COL22A1: variants seen among roughly 807,000 people sequenced by gnomAD.
The protein encoded by COL22A1 is collagen type XXII alpha 1 chain.
A neutral mutation model predicts 248.9 loss-of-function variants in COL22A1; 221 were observed. The observed-to-expected ratio is 0.89, with a 90% CI of 0.80 to 0.99. The LOEUF (loss-of-function observed/expected upper bound fraction) is 0.99. Ranked by LOEUF, COL22A1 falls within the 50% of genes least tolerant of loss-of-function variation. COL22A1 has a pLI of 0.00. For missense variants in COL22A1, 2,240 were observed against 2,179.0 expected, an observed-to-expected ratio of 1.03 and a Z score of -0.56; for synonymous variants, 891 against 793.4, an observed-to-expected ratio of 1.12 and a Z score of -2.07.
chr8:138,688,523 GAA>G (rs572166800), intron 37 of COL22A1, among the ~76,000 whole-genome samples: 2 of 143,600 alleles, frequency 1.4e-5, no homozygotes, highest in African/African-American at 5.1e-5. Flanking sequence ...CCTGTCTCAA[GAA>G]AAAAAAAAAA....
At chr8:138,842,997 G>T (rs1033356492) in intron 4 of COL22A1, among the ~76,000 whole-genome samples, 2 of 152,204 alleles carry the variant, frequency 1.3e-5, no homozygotes, top group African/African-American at 4.8e-5. Flanking sequence ...GTGGATGACT[G>T]CCCCTAGGAA....
chr8:138,676,433 G>C, intron 41 of COL22A1, 125 bp downstream of exon 41: 1 of 506,872 alleles, frequency 2.0e-6, no homozygotes. Context: ...AAGAAAGAAA[G>C]AAAGAAAGAA....
At chr8:138,824,690 C>T (rs756793551) in intron 6 of COL22A1, among the ~76,000 whole-genome samples, 1 of 152,194 alleles carries the variant, frequency 6.6e-6, no homozygotes, top group Non-Finnish European at 1.5e-5. Flanking sequence ...TCTGCCATGA[C>T]TGACAGAGTG....
At chr8:138,699,213 A>C (rs1213003876) in intron 32 of COL22A1, among the ~76,000 whole-genome samples, 1 of 152,060 alleles carries the variant, frequency 6.6e-6, no homozygotes, top group South Asian at 2.1e-4. Context: ...CCATCTCCCC[A>C]TTATGCTTCC....
intron 53 of COL22A1, among the ~76,000 whole-genome samples, chr8:138,617,434 C>T (rs916239504): frequency 3.3e-5 from 5 of 152,152 alleles, no homozygotes; most frequent in African/African-American, 1.2e-4. Flanking sequence ...GTAGGTTCAG[C>T]TCTGGGAGCT....
intron 1 of COL22A1, among the ~76,000 whole-genome samples, chr8:138,889,849 C>T (rs924480372): frequency 2.6e-5 from 4 of 152,144 alleles, no homozygotes; most frequent in African/African-American, 7.2e-5. Context: ...TCCCTCATTG[C>T]AGAAACCCGG....
intron 8 of COL22A1, 139 bp downstream of exon 8, chr8:138,812,800 A>G (rs1818352275): frequency 2.9e-6 from 2 of 699,576 alleles, no homozygotes; most frequent in Non-Finnish European, 5.1e-6. Context: ...CCCATACCCT[A>G]AGCTCCCTCT....
In COL22A1 at chr8:138,762,423, G is replaced by T; in HGVS notation, c.1847C>A (p.Thr616Lys). 6.2e-7 allele frequency: 1 copy of T among 1,614,112 alleles called. No individual in the cohort carries two copies. Residue 616 changes from threonine to lysine, a missense_variant, in exon 17 of 65, where the codon ACA becomes AAA. By Grantham distance (78) the Thr-to-Lys change is moderately conservative. Coordinates refer to ENST00000303045, the MANE Select transcript of COL22A1 (RefSeq NM_152888.3). ...CCAGCACCCACCTACCTGCTGTCCT[G>T]TGTCCCCAGGCTTCCCAGGGAATCC... ...LDGFPGKPGD[T>K]GQQGRPGPSG...
At chr8:138,792,321 T>C (rs1816131876) in intron 12 of COL22A1, among the ~76,000 whole-genome samples, 1 of 152,236 alleles carries the variant, frequency 6.6e-6, no homozygotes, top group Non-Finnish European at 1.5e-5. Flanking sequence ...TAATAGCTAC[T>C]GTTCATAAAG....
chr8:138,660,436 C>G lies in COL22A1; in HGVS notation c.3285G>C (p.Pro1095=). 2 of 1,612,770 alleles carry G rather than the reference C, an allele frequency of 1.2e-6. No homozygotes were observed. Among genetic ancestry groups the G allele is most frequent in the Non-Finnish European group, 1.7e-6 (2 of 1,178,774 alleles). Residue 1095 remains proline (P), a splice_region_variant and synonymous_variant, in exon 44 of 65, where the codon CCG becomes CCC. Transcript: ENST00000303045. ...NPGERGPPGK[P]GLSSLLSPGD... ...CATCCAGAACCATAAGATGACATAC[C>G]GGCTTGCCAGGAGGCCCTCTTTCTC...
At chr8:138,816,184 G>C (rs1818673896) in intron 7 of COL22A1, among the ~76,000 whole-genome samples, 1 of 152,202 alleles carries the variant, frequency 6.6e-6, no homozygotes, top group African/African-American at 2.4e-5. Flanking sequence ...AAGGAGACAG[G>C]AGGCAGGCCA....
chr8:138,746,133 T>C (rs1673347635), intron 22 of COL22A1, among the ~76,000 whole-genome samples: 1 of 152,248 alleles, frequency 6.6e-6, no homozygotes, highest in African/African-American at 2.4e-5. Context: ...TGAATGCATT[T>C]ACTTTGCCGA....
Position 138,598,901 on chromosome 8 carries a change from A to C in COL22A1, c.4186-3T>G. On this transcript the variant is annotated splice_polypyrimidine_tract_variant and splice_region_variant and intron_variant, in intron 60 of 64. Transcript: ENST00000303045. The stretch of plus-strand genomic sequence containing the variant: ...TCACCTTTGATCCCAGGATCTCCCT[A>C]AGGAGGAAATAAGCATGTCAGCATG... 5 of 1,613,994 alleles carry C rather than the reference A, an allele frequency of 3.1e-6. No individual in the cohort carries two copies. Among genetic ancestry groups the C allele is most frequent in the Non-Finnish European group, 4.2e-6 (5 of 1,179,960 alleles).
At chr8:138,637,695 G>T (rs1821312932) in intron 47 of COL22A1, among the ~76,000 whole-genome samples, 2 of 152,146 alleles carry the variant, frequency 1.3e-5, no homozygotes, top group Admixed American at 6.5e-5. Flanking sequence ...TAGTATCTTT[G>T]TCATGGGGTT....
chr8:138,661,154 A>C (rs563281408), intron 43 of COL22A1, among the ~76,000 whole-genome samples: 1 of 152,256 alleles, frequency 6.6e-6, no homozygotes, highest in African/African-American at 2.4e-5. Context: ...TTCCCAAACA[A>C]GTGGAAGGAA....
chr8:138,823,659 GC>G (rs1191888865), intron 6 of COL22A1, among the ~76,000 whole-genome samples: 1 of 152,236 alleles, frequency 6.6e-6, no homozygotes, highest in Non-Finnish European at 1.5e-5. Flanking sequence ...GCCTGCCTTG[GC>G]CTCTCACAGT....
intron 30 of COL22A1, among the ~76,000 whole-genome samples, chr8:138,715,085 G>A (rs1036484698): frequency 6.6e-6 from 1 of 152,178 alleles, no homozygotes. Context: ...GCATGTCACA[G>A]GCACAAAAGG....
At chr8:138,589,548 C>T in intron 64 of COL22A1, 108 bp from the exon 65 acceptor site, 3 of 875,810 alleles carry the variant, frequency 3.4e-6, no homozygotes, top group Non-Finnish European at 4.9e-6. Flanking sequence ...CCTGAAACGT[C>T]CTCAGACAGA....
chr8:138,787,494 C>A (rs556445851), intron 12 of COL22A1, among the ~76,000 whole-genome samples: 2 of 152,096 alleles, frequency 1.3e-5, no homozygotes, highest in Non-Finnish European at 2.9e-5. Flanking sequence ...TGGTAAGAGG[C>A]CTTGAGAAAA....
Sources: gnomAD v4.1 joint callset for allele counts (sites outside exome capture counted in the v4.1 genomes callset) on GRCh38, gnomAD v4.1.1 for gene constraint, MANE v1.5 for transcripts, NCBI Gene and HGNC (gene_info 2026-07-23, HGNC 2026-07-21) for gene names.